Variants in MYO1B observed in about 807,000 individuals in gnomAD.
MYO1B encodes myosin IB.
MYO1B carries 72 observed loss-of-function variants against 159.7 expected under a neutral mutation model. The ratio of observed to expected loss-of-function variants is 0.45; its 90% CI spans 0.37 to 0.55. The LOEUF is 0.55. Ranked by LOEUF, MYO1B falls within the 20% of genes least tolerant of loss-of-function variation. MYO1B has a pLI of 0.00. For missense variants in MYO1B, 1,062 were observed against 1,364.8 expected (o/e 0.78, Z 3.50); for synonymous variants, 468 against 473.8 (o/e 0.99, Z 0.16).
At position 191,329,999 on chromosome 2, in the gene MYO1B, A is replaced by G. The variant is rs763303993; in HGVS notation, c.316A>G (p.Ile106Val). Residue 106 changes from isoleucine to valine, a missense_variant, in exon 4 of 31, where the codon ATT becomes GTT. Physicochemically the swap from Ile to Val is conservative, Grantham distance 29. Around this residue, in one of 5 missense-constraint regions of MYO1B, gnomAD observed 415 missense variants for 544.0 expected, o/e 0.76. Coordinates refer to ENST00000392318, the MANE Select transcript of MYO1B (RefSeq NM_001130158.3). ...TCAAGATAAGGACCAATGTATTCTC[A>G]TTACTGGGGAAAGTGGAGCAGGAAA... ...RDQDKDQCIL[I>V]TGESGAGKTE... 1 of 1,609,036 alleles carries G rather than the reference A, an allele frequency of 6.2e-7. No homozygotes were observed. Among genetic ancestry groups the G allele is most frequent in the African/African-American group, 1.3e-5 (1 of 74,882 alleles).
At position 191,424,202 on chromosome 2, in the gene MYO1B, T is replaced by C. The variant is rs6720858; in HGVS notation, c.*242T>C. On this transcript the variant is annotated 3_prime_UTR_variant, in exon 31 of 31. Coordinates refer to ENST00000392318, the MANE Select transcript of MYO1B (RefSeq NM_001130158.3). Reference sequence around the variant, plus strand: ...GTGTCTATTTTCATGTCTGATGTGTTCTTCCTTTAGTCATCATGTTAGGTC... The same window carrying C: ...GTGTCTATTTTCATGTCTGATGTGTCCTTCCTTTAGTCATCATGTTAGGTC... The C allele has an allele frequency of 8.5e-5, 40 of 468,956 alleles. No homozygotes were observed. The highest frequency in any genetic ancestry group is 7.4e-4 in the African/African-American group (38 of 51,650). The allele number at this position is 468,956 out of a possible 1,614,324, so 29.0% of individuals were successfully genotyped here. A position where few individuals can be genotyped will look rare whatever the true frequency, so the allele number is the denominator to read the frequency against.
intron 1 of MYO1B, chr2:191,263,313 GTC>G (rs1686936751): frequency 3.1e-5 from 31 of 984,946 alleles, no homozygotes; most frequent in Non-Finnish European, 3.7e-5. Flanking sequence ...ACGAATGTTT[GTC>G]TCTCTCTTTC....
intron 3 of MYO1B, among the ~76,000 whole-genome samples, chr2:191,321,609 G>A (rs1307389559): frequency 6.6e-6 from 1 of 152,114 alleles, no homozygotes; most frequent in Non-Finnish European, 1.5e-5. Context: ...CAATGTGTTT[G>A]GTTAATTTCT....
At position 191,414,141 on chromosome 2, in the gene MYO1B, T is replaced by A. The variant is rs1697417564; in HGVS notation, c.2967T>A (p.Ile989=). The change falls in exon 28 of 31, where the codon ATT becomes ATA. Residue 989 remains isoleucine, a synonymous_variant. Coordinates refer to ENST00000392318, the MANE Select transcript of MYO1B (RefSeq NM_001130158.3). ...ATGCCATTGAAGAAAAGATCATCAT[T>A]GCTGAAGTCGTGAACAAAATTAACC... ...LKDAIEEKII[I]AEVVNKINRA... 6.2e-7 allele frequency: 1 copy of A among 1,613,474 alleles called. No homozygotes were observed. Among genetic ancestry groups the A allele is most frequent in the Admixed American group, 1.7e-5 (1 of 59,976 alleles).
intron 5 of MYO1B, among the ~76,000 whole-genome samples, chr2:191,345,873 C>G (rs2125970204): frequency 6.6e-6 from 1 of 152,258 alleles, no homozygotes; most frequent in East Asian, 1.9e-4. Flanking sequence ...CTGAAATAAC[C>G]TTATTCAGTG....
At chr2:191,357,332 C>A (rs1384058848) in intron 7 of MYO1B, among the ~76,000 whole-genome samples, 1 of 152,152 alleles carries the variant, frequency 6.6e-6, no homozygotes, top group Non-Finnish European at 1.5e-5. Context: ...AGGAAAGCCC[C>A]TACATAACGG....
chr2:191,369,725 ATTGCCAC>A, intron 12 of MYO1B, 97 bp downstream of exon 12: 4 of 864,806 alleles, frequency 4.6e-6, no homozygotes, highest in Non-Finnish European at 7.4e-6. Flanking sequence ...CAAATAATTG[ATTGCCAC>A]TTACAAAGAT....
rs561741536 is a variant in MYO1B at position 191,279,952 on chromosome 2, A to G, written c.135+2922A>G. Among the ~76,000 whole-genome samples, 3 of 152,254 alleles carry G rather than the reference A, an allele frequency of 2.0e-5. No individual in the cohort carries two copies. The South Asian group carries it at 6.2e-4, about 32-fold the overall frequency. Reference sequence around the variant, plus strand: ...ACTTTTGAACTCTGGATCTGGATACACCCATAGCCTCAGCAATCTCCTATG... The same window carrying G: ...ACTTTTGAACTCTGGATCTGGATACGCCCATAGCCTCAGCAATCTCCTATG... On this transcript the variant is annotated intron_variant, in intron 2 of 30. Transcript: ENST00000392318.
chr2:191,299,926 A>G (rs935898953), intron 3 of MYO1B, among the ~76,000 whole-genome samples: 9 of 152,222 alleles, frequency 5.9e-5, no homozygotes, highest in African/African-American at 2.2e-4. Flanking sequence ...AAGGAAAGCT[A>G]TTTCTATTAA....
At chr2:191,386,786 T>G (rs2126088122) in intron 16 of MYO1B, among the ~76,000 whole-genome samples, 1 of 152,344 alleles carries the variant, frequency 6.6e-6, no homozygotes, top group African/African-American at 2.4e-5. Flanking sequence ...CGTATATTAT[T>G]AAAAGATAAT....
chr2:191,268,603 C>T (rs1202522774), intron 1 of MYO1B, among the ~76,000 whole-genome samples: 9 of 152,236 alleles, frequency 5.9e-5, no homozygotes, highest in Non-Finnish European at 1.2e-4. Flanking sequence ...CGAGGGCCTA[C>T]AGCTAGAACC....
intron 24 of MYO1B, chr2:191,407,541 A>G (rs973293721): frequency 1.3e-5 from 2 of 152,216 alleles, no homozygotes; most frequent in African/African-American, 4.8e-5. Flanking sequence ...AAACTATAAT[A>G]TGATGTTTTA....
At chr2:191,333,828 A>G (rs1231730942) in intron 4 of MYO1B, among the ~76,000 whole-genome samples, 1 of 152,212 alleles carries the variant, frequency 6.6e-6, no homozygotes, top group Non-Finnish European at 1.5e-5. Flanking sequence ...CAGGTGAAAC[A>G]GAATTTAATT....
intron 13 of MYO1B, chr2:191,381,077 T>G (rs1272892817): frequency 3.0e-6 from 1 of 334,978 alleles, no homozygotes; most frequent in Admixed American, 4.2e-5. Context: ...GGGACTTCCT[T>G]GAGCTCTGAA....
Position 191,254,511 on chromosome 2 carries a change from C to CT in MYO1B, c.-10+8897dup, listed in dbSNP as rs762341201. ...AGGCGTGAGCCACCGCGCCCGGCCT[C>CT]TTTTTTTTTTTTAGAGACAAGTCTG... On this transcript the variant is annotated intron_variant, in intron 1 of 30. Coordinates refer to ENST00000392318, the MANE Select transcript of MYO1B (RefSeq NM_001130158.3). Among the ~76,000 whole-genome samples the CT allele has an allele frequency of 1.7e-3, 250 of 144,468 alleles. 2 individuals carry two copies. The highest frequency in any genetic ancestry group is 0.011 in the East Asian group (55 of 5,020). The allele number at this position is 144,468 out of a possible 152,430, so 94.8% of individuals were successfully genotyped here.
At chr2:191,269,333 T>C (rs527775516) in intron 1 of MYO1B, among the ~76,000 whole-genome samples, 1 of 152,240 alleles carries the variant, frequency 6.6e-6, no homozygotes, top group South Asian at 2.1e-4. Flanking sequence ...AGGATTTCCT[T>C]CCTTTTTAAG....
chr2:191,359,296 C>T (rs1553551560), intron 7 of MYO1B, among the ~76,000 whole-genome samples: 7 of 132,592 alleles, frequency 5.3e-5, no homozygotes, highest in Non-Finnish European at 1.1e-4. Context: ...CCCACTTGTA[C>T]TTTTCAACCT....
chr2:191,277,373 C>G (rs970075520), intron 2 of MYO1B, among the ~76,000 whole-genome samples: 1 of 152,156 alleles, frequency 6.6e-6, no homozygotes, highest in African/African-American at 2.4e-5. Flanking sequence ...AAAGTCTAAT[C>G]AGGGAGAAGC....
chr2:191,307,933 A>T (rs906001203), intron 3 of MYO1B, among the ~76,000 whole-genome samples: 6 of 152,164 alleles, frequency 3.9e-5, no homozygotes, highest in Non-Finnish European at 8.8e-5. Flanking sequence ...CCACCTTCCC[A>T]GCATGTCAGT....
Sources: gnomAD v4.1 joint callset for allele counts (sites outside exome capture counted in the v4.1 genomes callset) on GRCh38, gnomAD v4.1.1 for gene constraint, gnomAD v4.1.1 regional missense constraint, MANE v1.5 for transcripts, NCBI Gene and HGNC (gene_info 2026-07-23, HGNC 2026-07-21) for gene names.